The following DCC variants were observed in gnomAD, a reference collection of about 807,000 sequenced individuals.
DCC encodes the protein netrin receptor DCC.
A neutral mutation model predicts 172.5 loss-of-function variants in DCC; 58 were observed. The ratio of observed to expected loss-of-function variants is 0.34; its 90% CI spans 0.27 to 0.42. The LOEUF (loss-of-function observed/expected upper bound fraction) is 0.42, where lower values mean the gene tolerates loss of function less well. Among genes scored for constraint, DCC ranks in the 10% least tolerant of loss-of-function variants. The probability of loss-of-function intolerance (pLI) is 1.00; values close to 1 mark genes in which losing one functional copy is unlikely to be tolerated. For missense variants in DCC, 1,740 were observed against 1,791.0 expected, an observed-to-expected ratio of 0.97 and a Z score of 0.51; for synonymous variants, 709 against 644.5, an observed-to-expected ratio of 1.10 and a Z score of -1.52.
chr18:53,126,472 T>A (rs1389107168), intron 7 of DCC, among the ~76,000 whole-genome samples: 2 of 152,146 alleles, frequency 1.3e-5, no homozygotes, highest in African/African-American at 4.8e-5. Flanking sequence ...TGAGGCATTA[T>A]GTTGAGCTGT....
intron 5 of DCC, among the ~76,000 whole-genome samples, chr18:53,059,578 G>C (rs1046386588): frequency 6.6e-6 from 1 of 152,046 alleles, no homozygotes; most frequent in African/African-American, 2.4e-5. Context: ...TTTGCTCAGC[G>C]AACTTGGAAG....
At chr18:52,344,546 G>T (rs78782407) in intron 1 of DCC, among the ~76,000 whole-genome samples, 3,127 of 152,240 alleles carry the variant, frequency 0.021, 116 homozygotes, top group African/African-American at 0.071. Flanking sequence ...GTTTGCAGCT[G>T]CACGCAGTAG....
chr18:52,802,660 T>C (rs1455134441), intron 2 of DCC, among the ~76,000 whole-genome samples: 1 of 89,480 alleles, frequency 1.1e-5, no homozygotes, highest in African/African-American at 4.2e-5. Context: ...TTTTTTTTTT[T>C]TTTTTTTTTT....
At chr18:53,271,259 A>C (rs1243279836) in intron 12 of DCC, among the ~76,000 whole-genome samples, 4 of 152,150 alleles carry the variant, frequency 2.6e-5, no homozygotes, top group African/African-American at 9.7e-5. Context: ...TATTTAAAGG[A>C]GGTTTTTAAC....
At chr18:52,985,778 T>A (rs968569840) in intron 5 of DCC, among the ~76,000 whole-genome samples, 3 of 152,154 alleles carry the variant, frequency 2.0e-5, no homozygotes, top group Non-Finnish European at 2.9e-5. Context: ...TTTGGCTCAA[T>A]GCAAAATGAG....
intron 2 of DCC, among the ~76,000 whole-genome samples, chr18:52,855,469 G>A (rs1222641882): frequency 6.6e-6 from 1 of 152,106 alleles, no homozygotes; most frequent in Non-Finnish European, 1.5e-5. Flanking sequence ...GTATTTTGTC[G>A]ATAAGGACAT....
chr18:52,345,379 T>C (rs566289657), intron 1 of DCC, among the ~76,000 whole-genome samples: 15 of 152,356 alleles, frequency 9.8e-5, no homozygotes, highest in African/African-American at 3.4e-4. Flanking sequence ...TCAAGTCTTC[T>C]TCCCCCTCTT....
At chr18:53,327,115 G>A (rs2057476451) in intron 14 of DCC, among the ~76,000 whole-genome samples, 3 of 152,290 alleles carry the variant, frequency 2.0e-5, no homozygotes, top group South Asian at 2.1e-4. Context: ...CTTGGCTTAA[G>A]CATTGTGAAG....
At chr18:53,201,302 G>T (rs2057987084) in intron 9 of DCC, among the ~76,000 whole-genome samples, 1 of 152,100 alleles carries the variant, frequency 6.6e-6, no homozygotes, top group Non-Finnish European at 1.5e-5. Context: ...TCACAACAAA[G>T]AACACCCTTT....
In DCC at chr18:53,034,178, T is replaced by G. The variant is rs533782157; in HGVS notation, c.986-29127T>G. Among the ~76,000 whole-genome samples the G allele has an allele frequency of 2.6e-5, 4 of 152,176 alleles. No individual in the cohort carries two copies. In the South Asian group the frequency reaches 8.3e-4, roughly 32 times the overall value. On this transcript the variant is annotated intron_variant, in intron 5 of 28. Coordinates refer to ENST00000442544, the MANE Select transcript of DCC (RefSeq NM_005215.4). ...CAAATTGTTTATTTATATCCCAAAA[T>G]TCTGCCCCGAGCTTTAGAGTCATAT...
chr18:53,075,464 T>A (rs758265434), intron 7 of DCC, among the ~76,000 whole-genome samples: 2 of 151,950 alleles, frequency 1.3e-5, no homozygotes, highest in East Asian at 3.9e-4. Context: ...AATAAATCCA[T>A]ACAATATGGA....
chr18:53,317,206 T>C (rs189663375), intron 13 of DCC, among the ~76,000 whole-genome samples: 2 of 152,354 alleles, frequency 1.3e-5, no homozygotes, highest in Admixed American at 1.3e-4. Flanking sequence ...GGTAATCATG[T>C]AGGTTTTGTC....
At chr18:53,239,015 A>AG (rs1173048530) in intron 12 of DCC, among the ~76,000 whole-genome samples, 1 of 117,824 alleles carries the variant, frequency 8.5e-6, no homozygotes, top group East Asian at 2.8e-4. Flanking sequence ...GGACACAGGA[A>AG]GGGGGACATC....
chr18:52,888,275 A>C (rs563278286), intron 2 of DCC, among the ~76,000 whole-genome samples: 11 of 152,304 alleles, frequency 7.2e-5, no homozygotes, highest in Middle Eastern at 3.4e-3. Flanking sequence ...AGATGAAGAG[A>C]TTTACACCCT....
chr18:53,391,922 G>C, intron 17 of DCC, 35 bp downstream of exon 17: 1 of 1,231,936 alleles, frequency 8.1e-7, no homozygotes, highest in Admixed American at 1.7e-5. Flanking sequence ...AATTTAAAAT[G>C]AACTGACATT....
chr18:53,084,639 T>A (rs2042853612), intron 7 of DCC, among the ~76,000 whole-genome samples: 1 of 152,164 alleles, frequency 6.6e-6, no homozygotes, highest in Non-Finnish European at 1.5e-5. Flanking sequence ...AGCCAAGCAC[T>A]GTGGGTGGAC....
chr18:52,743,221 T>C (rs992691495), intron 1 of DCC, among the ~76,000 whole-genome samples: 2 of 152,188 alleles, frequency 1.3e-5, no homozygotes, highest in African/African-American at 4.8e-5. Flanking sequence ...AGAGCACTTC[T>C]TAGTGTTTTA....
intron 5 of DCC, among the ~76,000 whole-genome samples, chr18:52,980,595 T>C (rs1380272693): frequency 6.6e-6 from 1 of 151,902 alleles, no homozygotes; most frequent in African/African-American, 2.4e-5. Context: ...TAGCAATAAT[T>C]CTAATAAAAT....
At chr18:53,325,337 A>G (rs2057455434) in intron 14 of DCC, among the ~76,000 whole-genome samples, 1 of 152,146 alleles carries the variant, frequency 6.6e-6, no homozygotes, top group South Asian at 2.1e-4. Flanking sequence ...CTAAGAAGTG[A>G]GATCACGTTA....
Sources: allele counts gnomAD v4.1 joint callset (sites outside exome capture counted in the v4.1 genomes callset), GRCh38; gene constraint gnomAD v4.1.1; transcripts MANE v1.5; gene names NCBI Gene and HGNC (gene_info 2026-07-23, HGNC 2026-07-21).